Variants in BAZ1B observed in about 807,000 individuals in gnomAD.
BAZ1B encodes the protein tyrosine-protein kinase BAZ1B.
Under a neutral mutation model 153.8 loss-of-function variants are expected in BAZ1B, and 22 were observed. The observed-to-expected ratio is 0.14, with a 90% CI of 0.10 to 0.20. The LOEUF (loss-of-function observed/expected upper bound fraction) is 0.20, where lower values mean the gene tolerates loss of function less well. Ranked by LOEUF, BAZ1B falls within the 10% of genes least tolerant of loss-of-function variation. The probability of loss-of-function intolerance (pLI) is 1.00; values close to 1 mark genes in which losing one functional copy is unlikely to be tolerated. For synonymous variants in BAZ1B, 676 were observed against 633.4 expected, an observed-to-expected ratio of 1.07 and a Z score of -1.01; for missense variants, 1,325 against 1,799.3, an observed-to-expected ratio of 0.74 and a Z score of 4.77.
rs566486373 is a variant in BAZ1B at position 73,465,557 on chromosome 7, C to G, written c.2973-20G>C. The G allele has an allele frequency of 6.9e-7, 1 of 1,450,848 alleles. No homozygotes were observed. Among genetic ancestry groups the G allele is most frequent in the South Asian group, 1.3e-5 (1 of 79,578 alleles). 89.9% of individuals were successfully genotyped at this position (1,450,848 alleles called of 1,614,324 possible). ...AAAAACCTGTAGGGGCAAAAGAGAC[C>G]TGATAACTCTGAAAAAAAAAAAAAA... On this transcript the variant is annotated intron_variant, in intron 10 of 19. Coordinates refer to ENST00000339594, the MANE Select transcript of BAZ1B (RefSeq NM_032408.4).
intron 3 of BAZ1B, among the ~76,000 whole-genome samples, chr7:73,506,178 C>A (rs528484657): frequency 6.6e-6 from 1 of 152,204 alleles, no homozygotes; most frequent in South Asian, 2.1e-4. Context: ...TAATAGTTAT[C>A]CTTTAGCTAT....
intron 10 of BAZ1B, 26 bp downstream of exon 10, chr7:73,466,270 A>G: frequency 1.3e-6 from 2 of 1,511,340 alleles, no homozygotes; most frequent in Non-Finnish European, 1.8e-6. Flanking sequence ...AAAAAGAAAG[A>G]GCAACCAGAT....
Position 73,521,902 on chromosome 7 carries a change from G to T in BAZ1B, c.32C>A (p.Pro11Gln). 6.7e-7 allele frequency: 1 copy of T among 1,496,326 alleles called. No individual in the cohort carries two copies. The highest frequency in any genetic ancestry group is 1.5e-5 in the African/African-American group (1 of 68,402). The allele number at this position is 1,496,326 out of a possible 1,614,324, so 92.7% of individuals were successfully genotyped here. Residue 11 changes from proline to glutamine, a missense_variant, in exon 1 of 20, where the codon CCG becomes CAG. Pro to Gln is a moderately conservative substitution (Grantham distance 76). Coordinates refer to ENST00000339594, the MANE Select transcript of BAZ1B (RefSeq NM_032408.4). ...CTCTCCGGGCAACGGCTTCACCAGC[G>T]GGAAGGGCTTGCGGCCCAGGAGCGG... MAPLLGRKPF[P>Q]LVKPLPGEEP... is the part of the protein sequence containing the mutation.
chr7:73,484,900 CAAGT>C (rs1789345329), intron 6 of BAZ1B, among the ~76,000 whole-genome samples: 1 of 152,056 alleles, frequency 6.6e-6, no homozygotes, highest in Non-Finnish European at 1.5e-5. Flanking sequence ...ACCAAAGAGA[CAAGT>C]AAATGTGAAC....
intron 12 of BAZ1B, among the ~76,000 whole-genome samples, chr7:73,460,974 T>TTTG (rs549905510): frequency 3.3e-5 from 5 of 151,990 alleles, no homozygotes; most frequent in African/African-American, 9.7e-5. Flanking sequence ...TTTTTGGTTT[T>TTTG]TTGTTGTTGT....
Position 73,491,986 on chromosome 7 carries a change from C to CTTT in BAZ1B, c.693+811_693+813dup, listed in dbSNP as rs782649883. Among the ~76,000 whole-genome samples, 327 of 117,224 alleles carry CTTT rather than the reference C, an allele frequency of 2.8e-3. 2 individuals carry two copies. Among genetic ancestry groups the CTTT allele is most frequent in the Middle Eastern group, 0.015 (3 of 200 alleles). The allele number at this position is 117,224 out of a possible 152,430, so 76.9% of individuals were successfully genotyped here. A position where few individuals can be genotyped will look rare whatever the true frequency, so the allele number is the denominator to read the frequency against. On this transcript the variant is annotated intron_variant, in intron 5 of 19. Transcript: ENST00000339594. The stretch of plus-strand genomic sequence containing the variant: ...AATCTTAGTTCCAATCAGCAAAACG[C>CTTT]TTTTTTTTTTTTTTTTTTTTTTGAG...
rs782592618 is a variant in BAZ1B at position 73,510,807 on chromosome 7, C to T, written c.153G>A (p.Thr51=). The change falls in exon 2 of 20, where the codon ACG becomes ACA. Residue 51 remains threonine, a synonymous_variant. Transcript: ENST00000339594. ...GCTGACTGCTTCCAGTACTCTTGCA[C>T]GTCCAAATGCGCTCACTGTACCTTT... The part of the protein sequence containing the change: ...RLERYSERIW[T]CKSTGSSQLT... 9 of 1,614,146 alleles carry T rather than the reference C, an allele frequency of 5.6e-6. No homozygotes were observed. Among genetic ancestry groups the T allele is most frequent in the South Asian group, 3.3e-5 (3 of 91,084 alleles).
chr7:73,519,017 G>A (rs1554579741), intron 1 of BAZ1B, among the ~76,000 whole-genome samples: 1 of 152,138 alleles, frequency 6.6e-6, no homozygotes, highest in East Asian at 1.9e-4. Context: ...CTAGTGTCCT[G>A]CCTGTGGGAA....
chr7:73,492,809 A>G lies in BAZ1B; in HGVS notation c.684T>C (p.Asn228=), dbSNP rs373405020. 1 of 1,603,684 alleles carries G rather than the reference A, an allele frequency of 6.2e-7. No individual in the cohort carries two copies. Among genetic ancestry groups the G allele is most frequent in the Non-Finnish European group, 8.5e-7 (1 of 1,176,752 alleles). The part of the protein sequence containing the change: ...LPHKYDVKLQ[N]EDKIISNVPA... ...TAAAGTGTCAACTAACCTTATCTTC[A>G]TTTTGTAGTTTCACATCATATTTGT... is the stretch of plus-strand genomic sequence containing the variant. Residue 228 remains asparagine (N), a synonymous_variant, in exon 5 of 20, where the codon AAT becomes AAC. Coordinates refer to ENST00000339594, the MANE Select transcript of BAZ1B (RefSeq NM_032408.4).
At chr7:73,455,538 T>C (rs1554569423) in intron 13 of BAZ1B, among the ~76,000 whole-genome samples, 1 of 151,920 alleles carries the variant, frequency 6.6e-6, no homozygotes, top group East Asian at 1.9e-4. Flanking sequence ...TCTCAGCACT[T>C]TGGGAGGCCA....
At chr7:73,462,783 T>C in intron 12 of BAZ1B, 139 bp downstream of exon 12, 1 of 923,898 alleles carries the variant, frequency 1.1e-6, no homozygotes, top group Non-Finnish European at 1.7e-6. Flanking sequence ...GTATTTTTGG[T>C]TCCATACATG....
At chr7:73,503,435 G>C (rs1053542674) in intron 3 of BAZ1B, among the ~76,000 whole-genome samples, 7 of 151,700 alleles carry the variant, frequency 4.6e-5, no homozygotes, top group African/African-American at 1.7e-4. Context: ...GAGTACAGTG[G>C]TGCGATCATA....
Position 73,462,280 on chromosome 7 carries a change from T to C in BAZ1B, c.3249+642A>G, listed in dbSNP as rs138946141. 1.2e-3 allele frequency among the ~76,000 whole-genome samples: 183 copies of C among 152,304 alleles called. 5 individuals carry two copies. In the East Asian group the frequency reaches 0.032, roughly 27 times the overall value. Reference sequence around the variant, plus strand: ...CAAAACATCATAGTGCATGAGGAATTTGAAAAGACCCACAAATATTAATAT... The same window carrying C: ...CAAAACATCATAGTGCATGAGGAATCTGAAAAGACCCACAAATATTAATAT... On this transcript the variant is annotated intron_variant, in intron 12 of 19. Transcript: ENST00000339594.
At position 73,444,059 on chromosome 7, in the gene BAZ1B, C is replaced by T. The variant is rs782791487; in HGVS notation, c.3915G>A (p.Pro1305=). 6 of 1,613,562 alleles carry T rather than the reference C, an allele frequency of 3.7e-6. No homozygotes were observed. Among genetic ancestry groups the T allele is most frequent in the South Asian group, 2.2e-5 (2 of 90,944 alleles). ...TCCTGGTAGAGTGTGGCTTCTTACC[C>T]GGGCGCCGGCCTGACCTTGCTGCAG... ...IPPAARSGRR[P]GKKPHSTRRS... Residue 1305 remains proline (P), a synonymous_variant, in exon 17 of 20, where the codon CCG becomes CCA. Coordinates refer to ENST00000339594, the MANE Select transcript of BAZ1B (RefSeq NM_032408.4).
chr7:73,462,861 G>C, intron 12 of BAZ1B, 61 bp downstream of exon 12: 3 of 1,565,314 alleles, frequency 1.9e-6, no homozygotes, highest in Non-Finnish European at 2.6e-6. Context: ...AACAGCACCA[G>C]GGAAGAACTT....
chr7:73,458,872 C>A (rs1204322779), intron 13 of BAZ1B, among the ~76,000 whole-genome samples: 2 of 152,044 alleles, frequency 1.3e-5, no homozygotes, highest in African/African-American at 4.8e-5. Flanking sequence ...CCAGCTTACA[C>A]AAGAGCAAAA....
chr7:73,478,108 T>G lies in BAZ1B; in HGVS notation c.1353A>C (p.Thr451=), dbSNP rs782252902. ...LDMAKGTQKM[T]RAPRNSGGTP... ...TACCCCCAGAATTCCGTGGGGCTCG[T>G]GTCATCTTCTGCGTGCCTTTGGCCA... Residue 451 remains threonine, a synonymous_variant, in exon 7 of 20, where the codon ACA becomes ACC. Coordinates refer to ENST00000339594, the MANE Select transcript of BAZ1B (RefSeq NM_032408.4). The G allele has an allele frequency of 2.5e-6, 4 of 1,614,230 alleles. No homozygotes were observed. Among genetic ancestry groups the G allele is most frequent in the African/African-American group, 2.7e-5 (2 of 75,048 alleles).
rs577187199 is a variant in BAZ1B, at chr7:73,454,915, G to T, written c.3433-3921C>A. Among the ~76,000 whole-genome samples, 17 of 152,202 alleles carry T rather than the reference G, an allele frequency of 1.1e-4. No homozygotes were observed. In the East Asian group the frequency reaches 3.3e-3, roughly 29 times the overall value. ...TCTGTTGCCAGGCTGGAGTGCACTG[G>T]TGCGATCTCGGCTCACTGCAACCTC... On this transcript the variant is annotated intron_variant, in intron 13 of 19. Transcript: ENST00000339594.
Position 73,447,324 on chromosome 7 carries a change from C to T in BAZ1B, c.3784G>A (p.Glu1262Lys). The change falls in exon 16 of 20, where the codon GAG (glutamate) becomes AAG (lysine). Residue 1262 changes from glutamate to lysine, a missense_variant. Glu to Lys is a moderately conservative substitution (Grantham distance 56). Coordinates refer to ENST00000339594, the MANE Select transcript of BAZ1B (RefSeq NM_032408.4). ...EDSEDDESDE[E>K]EEEEEEEEEE... ...TCCTCCTCTTCTTCCTCCTCCTCCT[C>T]TTCATCACTCTCATCATCTTCACTG... The T allele has an allele frequency of 6.2e-7, 1 of 1,613,398 alleles. No homozygotes were observed. The highest frequency in any genetic ancestry group is 2.2e-5 in the East Asian group (1 of 44,878).
Sources: gnomAD v4.1 joint callset for allele counts (sites outside exome capture counted in the v4.1 genomes callset) on GRCh38, gnomAD v4.1.1 for gene constraint, MANE v1.5 for transcripts, NCBI Gene and HGNC (gene_info 2026-07-23, HGNC 2026-07-21) for gene names.